Variants in CDK15 observed in about 807,000 individuals in gnomAD.
The protein encoded by CDK15 is cyclin-dependent kinase 15.
CDK15 carries 62 observed loss-of-function variants against 60.3 expected under a neutral mutation model. The ratio of observed to expected loss-of-function variants is 1.03; its 90% CI spans 0.84 to 1.27. The LOEUF (loss-of-function observed/expected upper bound fraction) is 1.27. Ranked by LOEUF, CDK15 falls within the 50% of genes most tolerant of loss-of-function variation. The pLI, the probability that CDK15 is intolerant of heterozygous loss-of-function variation, is 0.00. For missense variants in CDK15, 541 were observed against 527.8 expected (o/e 1.03, Z -0.25); for synonymous variants, 194 against 195.7 (o/e 0.99, Z 0.07).
chr2:201,827,042 C>T (rs188274811), intron 6 of CDK15, among the ~76,000 whole-genome samples: 62 of 152,330 alleles, frequency 4.1e-4, no homozygotes, highest in African/African-American at 1.4e-3. Context: ...TAGTGCCATA[C>T]TGCATTTCTA....
At chr2:201,827,348 G>C (rs1297112601) in intron 6 of CDK15, among the ~76,000 whole-genome samples, 1 of 152,190 alleles carries the variant, frequency 6.6e-6, no homozygotes, top group African/African-American at 2.4e-5. Flanking sequence ...TGGGAGGCTA[G>C]GTGGGTGGAT....
In CDK15 at chr2:201,880,078, G is replaced by A. The variant is rs754083630; in HGVS notation, c.1109G>A (p.Gly370Asp). Residue 370 changes from glycine to aspartate, a missense_variant, in exon 12 of 14, where the codon GGC becomes GAC. By Grantham distance (94) the Gly-to-Asp change is moderately conservative. Coordinates refer to ENST00000652192, the MANE Select transcript of CDK15 (RefSeq NM_001366386.2). Reference protein sequence around the residue: ...AEDLASQMLKGFPRDRVSAQE... With the variant: ...AEDLASQMLKDFPRDRVSAQE... ...GACCTGGCCTCCCAGATGCTAAAAG[G>A]CTTTCCCAGAGACCGCGTCTCCGCC... 8.1e-6 allele frequency: 13 copies of A among 1,613,982 alleles called. No individual in the cohort carries two copies. The highest frequency in any genetic ancestry group is 4.4e-5 in the South Asian group (4 of 91,074).
intron 10 of CDK15, chr2:201,861,103 G>A: frequency 1.9e-6 from 2 of 1,059,692 alleles, no homozygotes; most frequent in Non-Finnish European, 2.3e-6. Flanking sequence ...TTAACTGCAG[G>A]CATCAATTCA....
chr2:201,806,857 T>G (rs1695534146), intron 1 of CDK15, 70 bp downstream of exon 1: 1 of 1,548,048 alleles, frequency 6.5e-7, no homozygotes, highest in Non-Finnish European at 8.8e-7. Context: ...TCCCTTTTTG[T>G]AGCGGGATCT....
chr2:201,867,094 T>C (rs1698662795), intron 10 of CDK15, among the ~76,000 whole-genome samples: 1 of 152,182 alleles, frequency 6.6e-6, no homozygotes, highest in African/African-American at 2.4e-5. Flanking sequence ...TCATGCTTCC[T>C]CTCTCACATC....
At position 201,843,503 on chromosome 2, in the gene CDK15, G is replaced by C. The variant is rs116297135; in HGVS notation, c.852-3878G>C. ...ATCTGTCACCTTTCAAACTTACAGT[G>C]TGGGCTTGTTTTGTTATCAATGCAT... is the stretch of plus-strand genomic sequence containing the variant. On this transcript the variant is annotated intron_variant, in intron 8 of 13. Transcript: ENST00000652192. Among the ~76,000 whole-genome samples the C allele has an allele frequency of 6.4e-3, 980 of 152,274 alleles. 8 individuals are homozygous for C. The highest frequency in any genetic ancestry group is 0.022 in the African/African-American group (915 of 41,546).
intron 11 of CDK15, chr2:201,876,531 A>T: frequency 7.9e-7 from 1 of 1,262,174 alleles, no homozygotes. Flanking sequence ...TAGGAGGAAG[A>T]GACTTCACTT....
At chr2:201,880,566 G>A (rs999890503) in intron 12 of CDK15, among the ~76,000 whole-genome samples, 4 of 152,330 alleles carry the variant, frequency 2.6e-5, no homozygotes, top group Admixed American at 2.0e-4. Flanking sequence ...TAAGATGATA[G>A]GTGAAGCGGA....
intron 10 of CDK15, among the ~76,000 whole-genome samples, chr2:201,868,686 CA>C (rs77783484): frequency 0.3 from 40,117 of 135,682 alleles, 6,520 homozygotes; most frequent in African/African-American, 0.49. Context: ...AATAAGTTTA[CA>C]AAAAAAAAAA....
chr2:201,822,131 A>T (rs1696253381), intron 4 of CDK15, among the ~76,000 whole-genome samples: 1 of 152,154 alleles, frequency 6.6e-6, no homozygotes, highest in African/African-American at 2.4e-5. Flanking sequence ...TGCCTTTAGT[A>T]ACCGATTATT....
intron 10 of CDK15, among the ~76,000 whole-genome samples, chr2:201,863,373 T>C (rs1053959853): frequency 3.3e-5 from 5 of 151,200 alleles, no homozygotes; most frequent in South Asian, 2.1e-4. Flanking sequence ...ATATATACAA[T>C]TTTAATTTAT....
rs1463270473 is a variant in CDK15 at position 201,895,331 on chromosome 2, T to C, written c.*2064T>C. 1 of 152,230 alleles carries C rather than the reference T, an allele frequency of 6.6e-6. No homozygotes were observed. The highest frequency in any genetic ancestry group is 2.4e-5 in the African/African-American group (1 of 41,460). 9.4% of individuals were successfully genotyped at this position (152,230 alleles called of 1,614,324 possible). On this transcript the variant is annotated 3_prime_UTR_variant, in exon 14 of 14. Coordinates refer to ENST00000652192, the MANE Select transcript of CDK15 (RefSeq NM_001366386.2). ...ATAGACAAATTTTGTTATTAAAAAA[T>C]TGATTTTATTAAGTGGAAGTTGACA...
In CDK15 at chr2:201,845,047, G is replaced by A. The variant is rs541168299; in HGVS notation, c.852-2334G>A. ...GCCTGTAATCCCAGTTACTCAGGAG[G>A]CTGAGGCAGGAGAATCACTTGAACC... On this transcript the variant is annotated intron_variant, in intron 8 of 13. Transcript: ENST00000652192. 2.6e-5 allele frequency among the ~76,000 whole-genome samples: 4 copies of A among 152,188 alleles called. No individual in the cohort carries two copies. The East Asian group carries it at 5.8e-4, about 22-fold the overall frequency.
In CDK15 at chr2:201,835,976, A is replaced by T. The variant is rs1218435813; in HGVS notation, c.851+213A>T. 2.7e-3 allele frequency among the ~76,000 whole-genome samples: 88 copies of T among 32,568 alleles called. No homozygotes were observed. The East Asian group carries it at 0.045, about 17-fold the overall frequency. The allele number at this position is 32,568 out of a possible 152,430, so 21.4% of individuals were successfully genotyped here. ...TATATTTGTATATATTTATATATTT[A>T]TATATTTTTATATATTTATATATAT... On this transcript the variant is annotated intron_variant, in intron 8 of 13. Coordinates refer to ENST00000652192, the MANE Select transcript of CDK15 (RefSeq NM_001366386.2).
chr2:201,864,656 C>T (rs1417682120), intron 10 of CDK15, among the ~76,000 whole-genome samples: 1 of 152,172 alleles, frequency 6.6e-6, no homozygotes, highest in Non-Finnish European at 1.5e-5. Context: ...TGAGCTTGGC[C>T]TCCCAAAGTG....
At chr2:201,808,219 C>T (rs1695603274) in intron 3 of CDK15, among the ~76,000 whole-genome samples, 1 of 152,208 alleles carries the variant, frequency 6.6e-6, no homozygotes, top group South Asian at 2.1e-4. Flanking sequence ...AGAAAATAGA[C>T]ATTCTCTACT....
intron 8 of CDK15, among the ~76,000 whole-genome samples, chr2:201,840,269 C>G (rs761178952): frequency 2.9e-4 from 44 of 152,176 alleles, no homozygotes; most frequent in Admixed American, 2.5e-3. Flanking sequence ...GCCACCGCGC[C>G]TGGCCAAGTA....
In CDK15 at chr2:201,888,395, A is replaced by G. The variant is rs931157091; in HGVS notation, c.1199-2390A>G. ...AATAAACTTGTCCTGCCGACTGTCT[A>G]GATGACTGAATTTCCCTTCTCAAAA... On this transcript the variant is annotated intron_variant, in intron 12 of 13. Coordinates refer to ENST00000652192, the MANE Select transcript of CDK15 (RefSeq NM_001366386.2). 19 of 1,527,346 alleles carry G rather than the reference A, an allele frequency of 1.2e-5. No individual in the cohort carries two copies. In the African/African-American group the frequency reaches 2.5e-4, roughly 20 times the overall value. 94.6% of individuals were successfully genotyped at this position (1,527,346 alleles called of 1,614,324 possible). A position where few individuals can be genotyped will look rare whatever the true frequency, so the allele number is the denominator to read the frequency against.
intron 10 of CDK15, among the ~76,000 whole-genome samples, chr2:201,869,153 G>A (rs2105812640): frequency 6.6e-6 from 1 of 152,254 alleles, no homozygotes; most frequent in East Asian, 1.9e-4. Flanking sequence ...TGATAGACTG[G>A]ATTAAGAAAA....
Sources: gnomAD v4.1 joint callset for allele counts (sites outside exome capture counted in the v4.1 genomes callset) on GRCh38, gnomAD v4.1.1 for gene constraint, MANE v1.5 for transcripts, NCBI Gene and HGNC (gene_info 2026-07-23, HGNC 2026-07-21) for gene names.